Variants in CERKL observed in about 807,000 individuals in gnomAD.
CERKL encodes the protein ceramide kinase-like protein.
In CERKL, 61 loss-of-function variants were observed where a neutral mutation model predicts 63.4. That is an observed-to-expected ratio of 0.96 (90% CI 0.78 to 1.19). The LOEUF is 1.19. Among genes scored for constraint, CERKL ranks in the 50% most tolerant of loss-of-function variants. The pLI, the probability that CERKL is intolerant of heterozygous loss-of-function variation, is 0.00. For synonymous variants in CERKL, 250 were observed against 230.5 expected (o/e 1.08, Z -0.77); for missense variants, 675 against 655.5 (o/e 1.03, Z -0.33).
At chr2:181,643,099 A>G (rs982227853) in intron 1 of CERKL, among the ~76,000 whole-genome samples, 1 of 152,172 alleles carries the variant, frequency 6.6e-6, no homozygotes, top group Non-Finnish European at 1.5e-5. Context: ...CCCTCCACAC[A>G]CACCAGACAG....
intron 1 of CERKL, among the ~76,000 whole-genome samples, chr2:181,645,819 T>C (rs1041520468): frequency 6.6e-6 from 1 of 152,252 alleles, no homozygotes; most frequent in Non-Finnish European, 1.5e-5. Flanking sequence ...TACTCTAATA[T>C]AAATGTGCCA....
At chr2:181,541,855 A>T (rs1409471489) in intron 11 of CERKL, among the ~76,000 whole-genome samples, 2 of 152,218 alleles carry the variant, frequency 1.3e-5, no homozygotes, top group African/African-American at 4.8e-5. Flanking sequence ...AGCAACGCAG[A>T]AGGAACAACT....
At chr2:181,560,317 G>A (rs905257296) in intron 4 of CERKL, among the ~76,000 whole-genome samples, 1 of 152,046 alleles carries the variant, frequency 6.6e-6, no homozygotes, top group Non-Finnish European at 1.5e-5. Context: ...ACATACATAG[G>A]ATGCGAACAC....
chr2:181,639,559 G>C (rs1028405750), intron 1 of CERKL, among the ~76,000 whole-genome samples: 2 of 152,214 alleles, frequency 1.3e-5, no homozygotes, highest in Non-Finnish European at 2.9e-5. Context: ...TTAAAAGCCT[G>C]AAAGAAGTCA....
intron 1 of CERKL, among the ~76,000 whole-genome samples, chr2:181,632,751 C>G (rs1483383947): frequency 1.3e-5 from 2 of 152,180 alleles, no homozygotes; most frequent in African/African-American, 4.8e-5. Flanking sequence ...CTCCCTCATC[C>G]TGTGGCTCCT....
intron 2 of CERKL, among the ~76,000 whole-genome samples, chr2:181,594,349 A>C (rs910766757): frequency 2.6e-5 from 4 of 151,896 alleles, no homozygotes; most frequent in Non-Finnish European, 5.9e-5. Context: ...AACATATAAA[A>C]GAGTAAGTGC....
intron 1 of CERKL, among the ~76,000 whole-genome samples, chr2:181,624,677 C>A (rs954417614): frequency 1.1e-4 from 16 of 151,918 alleles, no homozygotes; most frequent in Non-Finnish European, 8.8e-5. Context: ...GCTGCTCAAG[C>A]GTGGATATAT....
chr2:181,630,670 A>ACGTTT (rs1686917764), intron 1 of CERKL, among the ~76,000 whole-genome samples: 1 of 152,086 alleles, frequency 6.6e-6, no homozygotes, highest in Admixed American at 6.5e-5. Flanking sequence ...ACCAACCCCA[A>ACGTTT]TGGCACCTTG....
chr2:181,560,371 G>A (rs986699572), intron 4 of CERKL, among the ~76,000 whole-genome samples: 1 of 152,186 alleles, frequency 6.6e-6, no homozygotes, highest in Admixed American at 6.5e-5. Context: ...TCATGCATAT[G>A]TTAACATATT....
chr2:181,578,987 C>G lies in CERKL; in HGVS notation c.482-5103G>C, dbSNP rs1006497752. ...GGTTTTATCATATAGTGTTAAATCA[C>G]TCACTACAGAAACAGCAGAGTTGCG... On this transcript the variant is annotated intron_variant, in intron 2 of 12. Coordinates refer to ENST00000410087, the MANE Select transcript of CERKL (RefSeq NM_201548.5). 5.3e-5 allele frequency among the ~76,000 whole-genome samples: 8 copies of G among 151,954 alleles called. 1 individual carries two copies. The highest frequency in any genetic ancestry group is 1.9e-4 in the African/African-American group (8 of 41,238).
chr2:181,552,248 T>C lies in CERKL; in HGVS notation c.821-2540A>G, dbSNP rs1337166212. ...TATACAACCTAGTGACTACAGTTGA[T>C]ACGGTTAGGCTTTGTGTCCCTACCG... On this transcript the variant is annotated intron_variant, in intron 5 of 12. Coordinates refer to ENST00000410087, the MANE Select transcript of CERKL (RefSeq NM_201548.5). Among the ~76,000 whole-genome samples, 3 of 152,162 alleles carry C rather than the reference T, an allele frequency of 2.0e-5. No individual in the cohort carries two copies. The East Asian group carries it at 5.8e-4, about 29-fold the overall frequency.
At chr2:181,538,495 TGCC>T (rs1687316914) in intron 12 of CERKL, among the ~76,000 whole-genome samples, 6 of 151,822 alleles carry the variant, frequency 4.0e-5, no homozygotes, top group African/African-American at 1.5e-4. Context: ...CAGTCAGTTA[TGCC>T]TCTAGAACAC....
At chr2:181,628,186 C>T (rs1375993002) in intron 1 of CERKL, among the ~76,000 whole-genome samples, 2 of 152,110 alleles carry the variant, frequency 1.3e-5, no homozygotes, top group East Asian at 1.9e-4. Context: ...GACTCCAAAA[C>T]GCAACACCAT....
At chr2:181,554,813 A>G (rs978795455) in intron 5 of CERKL, among the ~76,000 whole-genome samples, 1 of 152,110 alleles carries the variant, frequency 6.6e-6, no homozygotes, top group Non-Finnish European at 1.5e-5. Flanking sequence ...TTCAGCTTGA[A>G]AACTTCCTGC....
rs367868252 is a variant in CERKL, at chr2:181,571,925, A to T, written c.613+1828T>A. 6.3e-4 allele frequency among the ~76,000 whole-genome samples: 96 copies of T among 152,294 alleles called. 2 individuals carry two copies. In the South Asian group the frequency reaches 0.019, roughly 31 times the overall value. On this transcript the variant is annotated intron_variant, in intron 3 of 12. Transcript: ENST00000410087. ...CATGTTGGGTCTCTCTTGCACACAT[A>T]TGCACACCTCTCCCCATCCCACTGG...
At chr2:181,595,967 TATA>T (rs1385364595) in intron 2 of CERKL, among the ~76,000 whole-genome samples, 3 of 152,216 alleles carry the variant, frequency 2.0e-5, no homozygotes, top group Admixed American at 6.5e-5. Context: ...TTTACATTTT[TATA>T]ATAATGACTT....
intron 1 of CERKL, among the ~76,000 whole-genome samples, chr2:181,625,603 A>G (rs191899487): frequency 1.9e-4 from 29 of 152,352 alleles, no homozygotes; most frequent in Admixed American, 1.7e-3. Context: ...AAATAAACAA[A>G]TATTGAGAAA....
rs1273330186 is a variant in CERKL at position 181,541,907 on chromosome 2, C to T, written c.1366-2643G>A. ...GGTCGGCTGTAGACATGTTGGCCTCCAGATGCCGGTGAATTTCAGAACCTC... is the reference window on the plus strand; with the variant it reads ...GGTCGGCTGTAGACATGTTGGCCTCTAGATGCCGGTGAATTTCAGAACCTC... On this transcript the variant is annotated intron_variant, in intron 11 of 12. Coordinates refer to ENST00000410087, the MANE Select transcript of CERKL (RefSeq NM_201548.5). Among the ~76,000 whole-genome samples, 26 of 152,162 alleles carry T rather than the reference C, an allele frequency of 1.7e-4. 2 individuals carry two copies. Among genetic ancestry groups the T allele is most frequent in the Admixed American group, 1.7e-3 (26 of 15,278 alleles).
At chr2:181,607,627 C>T (rs562114627) in intron 1 of CERKL, among the ~76,000 whole-genome samples, 23 of 152,304 alleles carry the variant, frequency 1.5e-4, no homozygotes, top group Middle Eastern at 6.8e-3. Flanking sequence ...ATCTGGTCAG[C>T]ATATTACCAG....
Sources: allele counts gnomAD v4.1 joint callset (sites outside exome capture counted in the v4.1 genomes callset), GRCh38; gene constraint gnomAD v4.1.1; transcripts MANE v1.5; gene names NCBI Gene and HGNC (gene_info 2026-07-23, HGNC 2026-07-21).